Variants in SAXO1 observed in about 807,000 individuals in gnomAD.
SAXO1 encodes stabilizer of axonemal microtubules 1, also known as 4930500O09Rik.
SAXO1 carries 21 observed loss-of-function variants against 17.5 expected under a neutral mutation model. The observed-to-expected ratio is 1.20, with a 90% confidence interval of 0.85 to 1.72. The LOEUF is 1.72. Ranked by LOEUF, SAXO1 falls within the 40% of genes most tolerant of loss-of-function variation. SAXO1 has a pLI of 0.00. For missense variants in SAXO1, 843 were observed against 596.0 expected (o/e 1.41, Z -4.32); for synonymous variants, 274 against 216.5 (o/e 1.27, Z -2.33).
At chr9:19,015,643 CTTTT>C (rs34096432) in intron 1 of SAXO1, among the ~76,000 whole-genome samples, 14 of 142,246 alleles carry the variant, frequency 9.8e-5, no homozygotes, top group Admixed American at 2.1e-4. Flanking sequence ...ACGCCTGGCC[CTTTT>C]TTTTTTTTTT....
upstream of SAXO1, among the ~76,000 whole-genome samples, chr9:19,036,079 G>T (rs1255659078): frequency 1.4e-5 from 2 of 146,748 alleles, no homozygotes; most frequent in African/African-American, 2.5e-5. Context: ...CACAGGGAGG[G>T]GAACATCACA....
Position 18,941,913 on chromosome 9 carries a change from T to C in SAXO1, c.219-74A>G. The C allele has an allele frequency of 7.9e-6, 11 of 1,397,586 alleles. No individual in the cohort carries two copies. In the South Asian group the frequency reaches 9.4e-5, roughly 12 times the overall value. 86.6% of individuals were successfully genotyped at this position (1,397,586 alleles called of 1,614,324 possible). ...GCTTATGTTTTCTGCTCAACCCAAC[T>C]CTACAAACATTTGCTGAGAAGTCCT... On this transcript the variant is annotated intron_variant, in intron 2 of 3. Transcript: ENST00000380534.
chr9:19,045,133 AC>A (rs1378106166), intron 1 of SAXO1, among the ~76,000 whole-genome samples: 5 of 147,248 alleles, frequency 3.4e-5, no homozygotes, highest in African/African-American at 1.3e-4. Context: ...ACAAGGTGAA[AC>A]CCCGTCTCTA....
At chr9:18,971,464 A>C (rs1832940697) in intron 1 of SAXO1, among the ~76,000 whole-genome samples, 1 of 152,212 alleles carries the variant, frequency 6.6e-6, no homozygotes, top group South Asian at 2.1e-4. Context: ...AAAGAAAGTT[A>C]ATTTAAACAA....
chr9:18,975,470 C>A (rs762072825), intron 1 of SAXO1, among the ~76,000 whole-genome samples: 1 of 152,154 alleles, frequency 6.6e-6, no homozygotes, highest in African/African-American at 2.4e-5. Context: ...CCAATTGGCA[C>A]CTGAAATGGA....
intron 1 of SAXO1, among the ~76,000 whole-genome samples, chr9:19,014,982 C>G (rs1834910149): frequency 6.6e-6 from 1 of 152,080 alleles, no homozygotes; most frequent in South Asian, 2.1e-4. Context: ...AGTAAACGAT[C>G]CTTTCCTGAG....
intron 1 of SAXO1, among the ~76,000 whole-genome samples, chr9:19,002,298 C>T (rs1279108403): frequency 9.9e-5 from 15 of 152,162 alleles, no homozygotes; most frequent in Admixed American, 7.9e-4. Context: ...GATTCACAGC[C>T]GAATTCTACC....
At chr9:18,930,114 A>G (rs1830975397) in intron 3 of SAXO1, among the ~76,000 whole-genome samples, 1 of 152,242 alleles carries the variant, frequency 6.6e-6, no homozygotes, top group Non-Finnish European at 1.5e-5. Context: ...CTGATACCTC[A>G]TATCACACTT....
chr9:19,041,926 A>T (rs560457808), intron 1 of SAXO1, among the ~76,000 whole-genome samples: 34 of 152,318 alleles, frequency 2.2e-4, no homozygotes, highest in African/African-American at 8.2e-4. Context: ...AGGCAACCAA[A>T]GCAAAAATGG....
chr9:19,047,473 G>C (rs143229073), intron 1 of SAXO1, among the ~76,000 whole-genome samples: 3 of 152,194 alleles, frequency 2.0e-5, no homozygotes, highest in South Asian at 2.1e-4. Context: ...AACAATTCAA[G>C]AACATTGTTT....
chr9:19,024,051 A>G (rs1404548610), intron 1 of SAXO1, among the ~76,000 whole-genome samples: 2 of 101,572 alleles, frequency 2.0e-5, no homozygotes, highest in African/African-American at 8.7e-5. Flanking sequence ...TTGCGGGGGA[A>G]AAGACTATTT....
chr9:19,010,942 C>G (rs1299263064), intron 1 of SAXO1, among the ~76,000 whole-genome samples: 1 of 152,140 alleles, frequency 6.6e-6, no homozygotes, highest in Non-Finnish European at 1.5e-5. Context: ...CTGGTACAAT[C>G]TCTTCAATAT....
intron 1 of SAXO1, 99 bp downstream of exon 1, chr9:19,032,772 C>A: frequency 7.3e-7 from 1 of 1,368,668 alleles, no homozygotes; most frequent in South Asian, 1.3e-5. Context: ...ACGAACCCAC[C>A]GTGATGCCGC....
At chr9:19,013,304 C>G (rs1301865856) in intron 1 of SAXO1, among the ~76,000 whole-genome samples, 1 of 152,134 alleles carries the variant, frequency 6.6e-6, no homozygotes, top group African/African-American at 2.4e-5. Context: ...GGTAACAAAG[C>G]CAGGCTATAA....
chr9:19,013,125 A>T (rs1834821379), intron 1 of SAXO1, among the ~76,000 whole-genome samples: 1 of 152,002 alleles, frequency 6.6e-6, no homozygotes, highest in African/African-American at 2.4e-5. Flanking sequence ...CTGGAGGGGA[A>T]CCACACCAAA....
At chr9:19,046,326 G>C (rs2131078268) in intron 1 of SAXO1, among the ~76,000 whole-genome samples, 1 of 152,174 alleles carries the variant, frequency 6.6e-6, no homozygotes, top group East Asian at 1.9e-4. Context: ...GGAAAATTAG[G>C]ATGAGAAAAA....
At chr9:19,013,916 C>T (rs1364279449) in intron 1 of SAXO1, among the ~76,000 whole-genome samples, 1 of 152,110 alleles carries the variant, frequency 6.6e-6, no homozygotes, top group Non-Finnish European at 1.5e-5. Context: ...AAATATTTAG[C>T]AGGCACCCAG....
intron 1 of SAXO1, among the ~76,000 whole-genome samples, chr9:19,003,723 C>A (rs984404964): frequency 6.6e-6 from 1 of 152,162 alleles, no homozygotes; most frequent in Non-Finnish European, 1.5e-5. Context: ...TCCTTCCTTA[C>A]ACCTTAAACA....
At chr9:18,988,424 A>G (rs1833677912) in intron 1 of SAXO1, among the ~76,000 whole-genome samples, 1 of 152,212 alleles carries the variant, frequency 6.6e-6, no homozygotes, top group South Asian at 2.1e-4. Context: ...TCCAAATCCT[A>G]AGGTGAGCAA....
Sources: allele counts gnomAD v4.1 joint callset (sites outside exome capture counted in the v4.1 genomes callset), GRCh38; gene constraint gnomAD v4.1.1; transcripts MANE v1.5; gene names NCBI Gene and HGNC (gene_info 2026-07-23, HGNC 2026-07-21).